Variants in PTGFR observed in about 807,000 individuals in gnomAD.
PTGFR encodes prostaglandin F2-alpha receptor.
In PTGFR, 15 loss-of-function variants were observed where a neutral mutation model predicts 26.2. The ratio of observed to expected loss-of-function variants is 0.57; its 90% confidence interval spans 0.38 to 0.88. PTGFR has a LOEUF of 0.88. Ranked by LOEUF, PTGFR falls within the 40% of genes least tolerant of loss-of-function variation. PTGFR has a pLI of 0.00. For missense variants in PTGFR, 369 were observed against 427.2 expected, an observed-to-expected ratio of 0.86 and a Z score of 1.20; for synonymous variants, 165 against 151.1, an observed-to-expected ratio of 1.09 and a Z score of -0.68.
chr1:78,510,186 C>G (rs1289458257), intron 2 of PTGFR, among the ~76,000 whole-genome samples: 1 of 152,200 alleles, frequency 6.6e-6, no homozygotes, highest in African/African-American at 2.4e-5. Flanking sequence ...GGCCACAACT[C>G]TCTTAAAATA....
chr1:78,532,994 A>G (rs996913057), intron 2 of PTGFR, among the ~76,000 whole-genome samples: 1 of 152,174 alleles, frequency 6.6e-6, no homozygotes, highest in Non-Finnish European at 1.5e-5. Flanking sequence ...TAGTTTGTCC[A>G]AAAGGAAATG....
intron 2 of PTGFR, among the ~76,000 whole-genome samples, chr1:78,515,758 C>A (rs2100378288): frequency 6.6e-6 from 1 of 152,276 alleles, no homozygotes; most frequent in South Asian, 2.1e-4. Context: ...TGTGATTAAT[C>A]TAATTTCTTA....
intron 2 of PTGFR, among the ~76,000 whole-genome samples, chr1:78,535,053 TG>T (rs1273150610): frequency 5.3e-5 from 8 of 152,156 alleles, no homozygotes; most frequent in African/African-American, 1.9e-4. Context: ...GCTTGGGCAG[TG>T]CCCTAGTGTT....
chr1:78,529,640 G>T (rs1198071352), intron 2 of PTGFR, among the ~76,000 whole-genome samples: 1 of 152,016 alleles, frequency 6.6e-6, no homozygotes, highest in East Asian at 1.9e-4. Flanking sequence ...CCAAGGAATA[G>T]AAATAATAAA....
intron 2 of PTGFR, chr1:78,498,055 G>C (rs1276869172): frequency 9.7e-6 from 8 of 823,390 alleles, no homozygotes. Context: ...ACATTGTTTG[G>C]TCACTAAGGT....
chr1:78,536,369 C>G (rs1650652639), intron 2 of PTGFR, 37 bp from the exon 3 acceptor site: 1 of 1,567,920 alleles, frequency 6.4e-7, no homozygotes, highest in Admixed American at 1.9e-5. Context: ...ATTGAAAAGG[C>G]TGCATCAACT....
chr1:78,513,677 C>T (rs12031414), intron 2 of PTGFR, among the ~76,000 whole-genome samples: 7 of 152,224 alleles, frequency 4.6e-5, no homozygotes, highest in East Asian at 3.9e-4. Context: ...GAGATATTAG[C>T]GTGACTAAAA....
Position 78,536,596 on chromosome 1 carries a change from T to C in PTGFR, c.989T>C (p.Leu330Ser). Residue 330 changes from leucine to serine, a missense_variant, in exon 3 of 3, where the codon TTA becomes TCA. Coordinates refer to ENST00000370757, the MANE Select transcript of PTGFR (RefSeq NM_000959.4). ...SQCCGVHVISLHIWELSSIKN... is the reference protein window; with the variant it reads ...SQCCGVHVISSHIWELSSIKN... ...TGCTGTGGAGTGCATGTCATCAGCTTACATATTTGGGAGCTTAGTTCCATT... is the reference window on the plus strand; with the variant it reads ...TGCTGTGGAGTGCATGTCATCAGCTCACATATTTGGGAGCTTAGTTCCATT... 1 of 1,613,360 alleles carries C rather than the reference T, an allele frequency of 6.2e-7. No individual in the cohort carries two copies. Among genetic ancestry groups the C allele is most frequent in the Non-Finnish European group, 8.5e-7 (1 of 1,179,498 alleles).
At chr1:78,531,069 C>T (rs1006622921) in intron 2 of PTGFR, among the ~76,000 whole-genome samples, 1 of 152,146 alleles carries the variant, frequency 6.6e-6, no homozygotes, top group Non-Finnish European at 1.5e-5. Flanking sequence ...TGTGCCTAAG[C>T]CACCCCAGTG....
At chr1:78,524,906 A>ATTTTTTTTTTT (rs35641651) in intron 2 of PTGFR, among the ~76,000 whole-genome samples, 21 of 70,518 alleles carry the variant, frequency 3.0e-4, no homozygotes, top group South Asian at 2.3e-3. Flanking sequence ...CAAATGCAAG[A>ATTTTTTTTTTT]TTTTTTTTTT....
chr1:78,502,724 T>A (rs12044011), intron 2 of PTGFR, among the ~76,000 whole-genome samples: 27,285 of 152,110 alleles, frequency 0.18, 3,158 homozygotes, highest in East Asian at 0.55. Context: ...AAGTGGTTAT[T>A]TGTTTATTGA....
chr1:78,495,175 T>C (rs1471939792), intron 2 of PTGFR, among the ~76,000 whole-genome samples: 1 of 152,234 alleles, frequency 6.6e-6, no homozygotes, highest in Non-Finnish European at 1.5e-5. Context: ...GGTCTATCAA[T>C]GGCAAGTCAA....
At chr1:78,504,348 T>C (rs1320259351) in intron 2 of PTGFR, among the ~76,000 whole-genome samples, 1 of 152,178 alleles carries the variant, frequency 6.6e-6, no homozygotes, top group Non-Finnish European at 1.5e-5. Flanking sequence ...ATTCTTTGAT[T>C]AATAGAGTAG....
intron 2 of PTGFR, among the ~76,000 whole-genome samples, chr1:78,521,357 C>T (rs1038799444): frequency 2.0e-5 from 3 of 152,080 alleles, no homozygotes; most frequent in African/African-American, 7.2e-5. Context: ...CTGGTACATA[C>T]GTATATGGCT....
chr1:78,514,197 C>T (rs533627847), intron 2 of PTGFR, among the ~76,000 whole-genome samples: 2 of 152,332 alleles, frequency 1.3e-5, no homozygotes, highest in Non-Finnish European at 2.9e-5. Flanking sequence ...TGTTTGCTTG[C>T]ACCCTGTGGC....
chr1:78,503,708 T>C (rs574544974), intron 2 of PTGFR, among the ~76,000 whole-genome samples: 1 of 152,274 alleles, frequency 6.6e-6, no homozygotes, highest in African/African-American at 2.4e-5. Flanking sequence ...ACTTTTACTA[T>C]GGGGTAAATA....
chr1:78,501,048 C>A (rs1196004321), intron 2 of PTGFR, among the ~76,000 whole-genome samples: 1 of 151,792 alleles, frequency 6.6e-6, no homozygotes, highest in African/African-American at 2.4e-5. Context: ...CCAAAGATAT[C>A]ATAGACATCG....
chr1:78,515,543 G>C (rs1166555937), intron 2 of PTGFR, among the ~76,000 whole-genome samples: 1 of 152,118 alleles, frequency 6.6e-6, no homozygotes, highest in Admixed American at 6.6e-5. Flanking sequence ...TCTCTAAAAA[G>C]AATATGTTAC....
intron 2 of PTGFR, among the ~76,000 whole-genome samples, chr1:78,526,101 AC>A (rs1650366257): frequency 1.3e-5 from 2 of 152,088 alleles, no homozygotes; most frequent in Non-Finnish European, 2.9e-5. Context: ...ACAAAAACAA[AC>A]AAGTGAAAAA....
Sources: gnomAD v4.1 joint callset for allele counts (sites outside exome capture counted in the v4.1 genomes callset) on GRCh38, gnomAD v4.1.1 for gene constraint, MANE v1.5 for transcripts, NCBI Gene and HGNC (gene_info 2026-07-23, HGNC 2026-07-21) for gene names.